SLC22A24: variants seen among roughly 807,000 people sequenced by gnomAD.
SLC22A24 encodes steroid transmembrane transporter SLC22A24.
A neutral mutation model predicts 49.8 loss-of-function variants in SLC22A24; 53 were observed. The observed-to-expected ratio is 1.06, with a 90% CI of 0.85 to 1.34. SLC22A24 has a LOEUF of 1.34. SLC22A24 is among the 40% of genes most tolerant of loss of function. The probability of loss-of-function intolerance (pLI) is 0.00; values close to 1 mark genes in which losing one functional copy is unlikely to be tolerated. For synonymous variants in SLC22A24, 302 were observed against 256.4 expected (o/e 1.18, Z -1.70); for missense variants, 786 against 675.9 (o/e 1.16, Z -1.81).
chr11:63,111,605 C>T (rs1369890922), intron 4 of SLC22A24, among the ~76,000 whole-genome samples: 1 of 151,274 alleles, frequency 6.6e-6, no homozygotes, highest in Non-Finnish European at 1.5e-5. Context: ...GGAATTTATC[C>T]ATTTCTTCTA....
intron 4 of SLC22A24, among the ~76,000 whole-genome samples, chr11:63,113,464 C>T (rs1473601271): frequency 1.3e-5 from 2 of 151,846 alleles, no homozygotes; most frequent in Non-Finnish European, 2.9e-5. Flanking sequence ...GGCAAAATCT[C>T]TCAGAATTTG....
chr11:63,142,196 G>T (rs1024843285), intron 1 of SLC22A24, among the ~76,000 whole-genome samples: 42 of 152,148 alleles, frequency 2.8e-4, no homozygotes, highest in African/African-American at 9.9e-4. Flanking sequence ...ACACTCAGTA[G>T]CAAAGCAGTT....
At chr11:63,126,146 A>G (rs1379222789) in intron 2 of SLC22A24, among the ~76,000 whole-genome samples, 2 of 152,164 alleles carry the variant, frequency 1.3e-5, no homozygotes, top group African/African-American at 4.8e-5. Flanking sequence ...TTTGCTGTGC[A>G]GAAGCTCTTT....
chr11:63,081,435 C>T (rs2086959456), intron 8 of SLC22A24, 123 bp downstream of exon 8: 2 of 733,644 alleles, frequency 2.7e-6, no homozygotes, highest in Admixed American at 2.4e-5. Flanking sequence ...CTCAGTTACT[C>T]TGTTCATTTC....
chr11:63,087,645 C>G (rs963407052), intron 6 of SLC22A24, among the ~76,000 whole-genome samples: 1 of 152,236 alleles, frequency 6.6e-6, no homozygotes, highest in African/African-American at 2.4e-5. Context: ...GAGTCCCACT[C>G]CCATGGAGCC....
In SLC22A24 at chr11:63,143,827, A is replaced by C. The variant is rs2087434061; in HGVS notation, c.-48T>G. 7.7e-7 allele frequency: 1 copy of C among 1,301,456 alleles called. No homozygotes were observed. Among genetic ancestry groups the C allele is most frequent in the African/African-American group, 1.5e-5 (1 of 65,098 alleles). The allele number at this position is 1,301,456 out of a possible 1,614,324, so 80.6% of individuals were successfully genotyped here. A position where few individuals can be genotyped will look rare whatever the true frequency, so the allele number is the denominator to read the frequency against. Reference sequence around the variant, plus strand: ...AAGAGGAAGCACAATGACTTTATGAAGAGAAGTTCAGAGGGAGAAAATGTC... The same window carrying C: ...AAGAGGAAGCACAATGACTTTATGACGAGAAGTTCAGAGGGAGAAAATGTC... On this transcript the variant is annotated 5_prime_UTR_variant, in exon 1 of 10. Transcript: ENST00000612278.
chr11:63,083,877 G>A (rs1351120554), intron 6 of SLC22A24, among the ~76,000 whole-genome samples: 1 of 152,156 alleles, frequency 6.6e-6, no homozygotes, highest in African/African-American at 2.4e-5. Context: ...TAGTTTCTTT[G>A]CAGCAGTTCA....
chr11:63,143,277 G>A, intron 1 of SLC22A24, 101 bp downstream of exon 1: 4 of 985,608 alleles, frequency 4.1e-6, no homozygotes, highest in Non-Finnish European at 5.5e-6. Flanking sequence ...GCTGACTGCA[G>A]GTCCCATCTA....
chr11:63,090,981 CAATG>C (rs774070795), intron 6 of SLC22A24, among the ~76,000 whole-genome samples: 257 of 152,138 alleles, frequency 1.7e-3, no homozygotes, highest in Non-Finnish European at 2.4e-3. Flanking sequence ...TTCAAATAAT[CAATG>C]AATCCAGGAG....
intron 2 of SLC22A24, among the ~76,000 whole-genome samples, chr11:63,126,871 T>C (rs191648161): frequency 5.2e-4 from 79 of 152,300 alleles, no homozygotes; most frequent in African/African-American, 1.8e-3. Flanking sequence ...ATCAGATCCC[T>C]TGTAAGTTGT....
intron 1 of SLC22A24, among the ~76,000 whole-genome samples, chr11:63,142,167 C>T (rs1394996424): frequency 3.9e-5 from 6 of 152,152 alleles, no homozygotes; most frequent in Non-Finnish European, 8.8e-5. Flanking sequence ...CTTGGAAGCC[C>T]ATCCAGGCCT....
chr11:63,108,848 T>G (rs1366780970), intron 4 of SLC22A24, among the ~76,000 whole-genome samples: 1 of 151,932 alleles, frequency 6.6e-6, no homozygotes, highest in Non-Finnish European at 1.5e-5. Context: ...CATTTCTTTT[T>G]TTTTATTATT....
At chr11:63,107,872 T>C (rs1402495068) in intron 4 of SLC22A24, among the ~76,000 whole-genome samples, 1 of 152,168 alleles carries the variant, frequency 6.6e-6, no homozygotes, top group Admixed American at 6.6e-5. Context: ...AATCATGTCA[T>C]CTGCAAACAT....
chr11:63,116,111 T>C, intron 4 of SLC22A24: 2 of 413,358 alleles, frequency 4.8e-6, no homozygotes, highest in Non-Finnish European at 8.5e-6. Flanking sequence ...CCTTGGGCTT[T>C]ATGAGGGCCT....
intron 4 of SLC22A24, among the ~76,000 whole-genome samples, chr11:63,105,470 T>C (rs1410263531): frequency 1.3e-5 from 2 of 152,150 alleles, no homozygotes; most frequent in South Asian, 2.1e-4. Flanking sequence ...GAAATCTAGA[T>C]GGAGGTTGCT....
chr11:63,097,102 G>A (rs1007663161), intron 5 of SLC22A24, among the ~76,000 whole-genome samples: 6 of 152,208 alleles, frequency 3.9e-5, no homozygotes, highest in Non-Finnish European at 7.4e-5. Flanking sequence ...GCTGTGCACA[G>A]CAAAAGAAAC....
At chr11:63,111,042 A>G (rs929876577) in intron 4 of SLC22A24, among the ~76,000 whole-genome samples, 6 of 152,216 alleles carry the variant, frequency 3.9e-5, no homozygotes, top group South Asian at 2.1e-4. Flanking sequence ...TAATTTATTG[A>G]GAGTTTTTAG....
chr11:63,114,737 T>C (rs2087199521), intron 4 of SLC22A24, among the ~76,000 whole-genome samples: 1 of 152,048 alleles, frequency 6.6e-6, no homozygotes, highest in Non-Finnish European at 1.5e-5. Flanking sequence ...ACAGATGGGG[T>C]TTTGGTGTGG....
chr11:63,120,785 A>G (rs2087246391), intron 2 of SLC22A24, among the ~76,000 whole-genome samples: 1 of 152,156 alleles, frequency 6.6e-6, no homozygotes, highest in Admixed American at 6.6e-5. Flanking sequence ...TACTCTTATA[A>G]AATGTCTTAC....
Sources: allele counts gnomAD v4.1 joint callset (sites outside exome capture counted in the v4.1 genomes callset), GRCh38; gene constraint gnomAD v4.1.1; transcripts MANE v1.5; gene names NCBI Gene and HGNC (gene_info 2026-07-23, HGNC 2026-07-21).